The following LRRC4C variants were observed in gnomAD, a reference collection of about 807,000 sequenced individuals.
The protein encoded by LRRC4C is leucine-rich repeat-containing protein 4C.
A neutral mutation model predicts 33.6 loss-of-function variants in LRRC4C; 5 were observed. The observed-to-expected ratio is 0.15, with a 90% CI of 0.08 to 0.31. The LOEUF is 0.31. Among genes scored for constraint, LRRC4C ranks in the 10% least tolerant of loss-of-function variants. LRRC4C has a pLI of 1.00. For synonymous variants in LRRC4C, 329 were observed against 302.0 expected, an observed-to-expected ratio of 1.09 and a Z score of -0.93; for missense variants, 560 against 796.7, an observed-to-expected ratio of 0.70 and a Z score of 3.58.
intron 2 of LRRC4C, among the ~76,000 whole-genome samples, chr11:40,745,066 G>A (rs1228641311): frequency 6.6e-6 from 1 of 152,150 alleles, no homozygotes; most frequent in Non-Finnish European, 1.5e-5. Flanking sequence ...AAGTATTACT[G>A]TAAGCCATCA....
At chr11:40,322,080 T>G (rs1285251915) in intron 3 of LRRC4C, among the ~76,000 whole-genome samples, 1 of 152,050 alleles carries the variant, frequency 6.6e-6, no homozygotes, top group Non-Finnish European at 1.5e-5. Flanking sequence ...TGGAAGGGAC[T>G]CACCAATCGA....
intron 2 of LRRC4C, among the ~76,000 whole-genome samples, chr11:40,852,547 T>C (rs554703622): frequency 1.3e-5 from 2 of 152,292 alleles, no homozygotes; most frequent in Admixed American, 1.3e-4. Flanking sequence ...TTCTTCTTGT[T>C]TTGTATTGTT....
chr11:40,591,191 T>A (rs150563430), intron 3 of LRRC4C, among the ~76,000 whole-genome samples: 335 of 152,320 alleles, frequency 2.2e-3, no homozygotes, highest in African/African-American at 7.8e-3. Flanking sequence ...TGTGCCATTT[T>A]TTAAGCCCGT....
chr11:41,372,246 G>A (rs928465266), intron 1 of LRRC4C, among the ~76,000 whole-genome samples: 10 of 152,202 alleles, frequency 6.6e-5, no homozygotes, highest in Non-Finnish European at 4.4e-5. Context: ...GCTGTATTTG[G>A]TTTGTACAAA....
At chr11:40,829,223 G>A (rs954901061) in intron 2 of LRRC4C, among the ~76,000 whole-genome samples, 6 of 151,940 alleles carry the variant, frequency 3.9e-5, no homozygotes, top group African/African-American at 1.2e-4. Context: ...AGGCATCACT[G>A]CCTATGATAT....
intron 2 of LRRC4C, among the ~76,000 whole-genome samples, chr11:40,675,197 G>A (rs1944335890): frequency 6.6e-6 from 1 of 152,088 alleles, no homozygotes; most frequent in Non-Finnish European, 1.5e-5. Flanking sequence ...GTTGTAGCAT[G>A]TTCTAGGTGG....
intron 1 of LRRC4C, among the ~76,000 whole-genome samples, chr11:40,991,295 A>G (rs1006563321): frequency 6.6e-6 from 1 of 152,074 alleles, no homozygotes; most frequent in African/African-American, 2.4e-5. Context: ...GTCAACATTT[A>G]AACCTGTATA....
At chr11:40,803,597 A>T (rs1000982833) in intron 2 of LRRC4C, among the ~76,000 whole-genome samples, 12 of 151,954 alleles carry the variant, frequency 7.9e-5, no homozygotes, top group African/African-American at 2.9e-4. Flanking sequence ...TTAATATTTA[A>T]TTTTTAATTA....
intron 3 of LRRC4C, among the ~76,000 whole-genome samples, chr11:40,530,844 G>T (rs1565478696): frequency 6.6e-6 from 1 of 152,088 alleles, no homozygotes; most frequent in East Asian, 1.9e-4. Flanking sequence ...CATTATGGGG[G>T]TAAATGTATT....
At chr11:40,173,351 G>C (rs1860203596) in intron 5 of LRRC4C, among the ~76,000 whole-genome samples, 1 of 152,178 alleles carries the variant, frequency 6.6e-6, no homozygotes, top group Non-Finnish European at 1.5e-5. Context: ...TCCCCAAGAG[G>C]CAAAGACCTG....
At chr11:40,273,943 T>A (rs964933349) in intron 4 of LRRC4C, among the ~76,000 whole-genome samples, 2 of 152,084 alleles carry the variant, frequency 1.3e-5, no homozygotes, top group African/African-American at 2.4e-5. Flanking sequence ...AAGAGTTTAG[T>A]CTATTTTCCC....
intron 1 of LRRC4C, among the ~76,000 whole-genome samples, chr11:41,064,521 T>C (rs1404906341): frequency 2.6e-5 from 4 of 152,160 alleles, no homozygotes; most frequent in Non-Finnish European, 4.4e-5. Flanking sequence ...TAGAGAAATA[T>C]AGTACTATAG....
intron 4 of LRRC4C, among the ~76,000 whole-genome samples, chr11:40,303,158 G>A (rs567771649): frequency 1.1e-4 from 16 of 152,148 alleles, no homozygotes; most frequent in South Asian, 2.1e-4. Flanking sequence ...GAAGAACAAC[G>A]GAAAACCAGA....
intron 1 of LRRC4C, among the ~76,000 whole-genome samples, chr11:41,007,759 C>A (rs1854869123): frequency 6.6e-6 from 1 of 152,024 alleles, no homozygotes; most frequent in Non-Finnish European, 1.5e-5. Flanking sequence ...ATATTTAACC[C>A]ATCTATGTGT....
At chr11:41,157,410 T>C (rs1944281884) in intron 1 of LRRC4C, among the ~76,000 whole-genome samples, 3 of 152,040 alleles carry the variant, frequency 2.0e-5, no homozygotes, top group African/African-American at 7.2e-5. Context: ...TTTGTAAAAG[T>C]CCATAGGACC....
chr11:40,760,686 C>T lies in LRRC4C; in HGVS notation c.-406-112408G>A, dbSNP rs117444068. 7.6e-4 allele frequency among the ~76,000 whole-genome samples: 114 copies of T among 150,792 alleles called. 1 individual carries two copies. The East Asian group carries it at 0.021, about 28-fold the overall frequency. On this transcript the variant is annotated intron_variant, in intron 2 of 6. Transcript: ENST00000528697. The stretch of plus-strand genomic sequence containing the variant: ...AGTGTAGTTGTGCAATCTTGGCTCA[C>T]TGCAACCTCTGCTTCTTGAGCTCAA...
intron 3 of LRRC4C, among the ~76,000 whole-genome samples, chr11:40,370,819 A>G (rs975970626): frequency 6.6e-6 from 1 of 152,250 alleles, no homozygotes; most frequent in Non-Finnish European, 1.5e-5. Flanking sequence ...AAAATAAAAT[A>G]AAATATTCCC....
chr11:40,659,099 G>A (rs777534787), intron 2 of LRRC4C, among the ~76,000 whole-genome samples: 4 of 152,206 alleles, frequency 2.6e-5, no homozygotes, highest in East Asian at 3.9e-4. Flanking sequence ...ACATCCATAG[G>A]CTTGGAAGAT....
chr11:40,311,370 A>T (rs1945296092), intron 4 of LRRC4C, among the ~76,000 whole-genome samples: 1 of 152,210 alleles, frequency 6.6e-6, no homozygotes, highest in African/African-American at 2.4e-5. Context: ...GGGTAACCCT[A>T]GTGCCTAATT....
Sources: gnomAD v4.1 joint callset for allele counts (sites outside exome capture counted in the v4.1 genomes callset) on GRCh38, gnomAD v4.1.1 for gene constraint, MANE v1.5 for transcripts, NCBI Gene and HGNC (gene_info 2026-07-23, HGNC 2026-07-21) for gene names.